The following PIP4K2A variants were observed in gnomAD, a reference collection of about 807,000 sequenced individuals.
The protein encoded by PIP4K2A is phosphatidylinositol 5-phosphate 4-kinase type-2 alpha.
A neutral mutation model predicts 42.9 loss-of-function variants in PIP4K2A; 14 were observed. The ratio of observed to expected loss-of-function variants is 0.33; its 90% confidence interval spans 0.22 to 0.51. The LOEUF (loss-of-function observed/expected upper bound fraction) is 0.51. PIP4K2A is among the 20% of genes least tolerant of loss of function. The pLI is 0.97. For synonymous variants in PIP4K2A, 192 were observed against 192.2 expected, an observed-to-expected ratio of 1.00 and a Z score of 0.01; for missense variants, 434 against 519.8, an observed-to-expected ratio of 0.83 and a Z score of 1.61.
chr10:22,662,968 C>T lies in PIP4K2A; in HGVS notation c.144+51215G>A, dbSNP rs151083627. ...TCTGCAACGTCTGGTGTGTGTCGCCCCAGGGTGAGGAGAAAGAGGAGGCAA... is the reference window on the plus strand; with the variant it reads ...TCTGCAACGTCTGGTGTGTGTCGCCTCAGGGTGAGGAGAAAGAGGAGGCAA... On this transcript the variant is annotated intron_variant, in intron 1 of 9. Coordinates refer to ENST00000376573, the MANE Select transcript of PIP4K2A (RefSeq NM_005028.5). Among the ~76,000 whole-genome samples the T allele has an allele frequency of 3.8e-3, 583 of 152,296 alleles. 3 individuals carry two copies. The highest frequency in any genetic ancestry group is 0.013 in the African/African-American group (547 of 41,550).
rs140194777 is a variant in PIP4K2A, at chr10:22,636,181, C to A, written c.145-26464G>T. ...AGAACCAGAAGGAACAGGAAACGTT[C>A]TCTCCTGGCCATACTCAGGGAAGTA... On this transcript the variant is annotated intron_variant, in intron 1 of 9. Transcript: ENST00000376573. Among the ~76,000 whole-genome samples, 399 of 152,298 alleles carry A rather than the reference C, an allele frequency of 2.6e-3. 4 individuals carry two copies. The highest frequency in any genetic ancestry group is 9.3e-3 in the African/African-American group (386 of 41,560).
At chr10:22,664,078 T>TATATATATATACATATATATATAC (rs1839270019) in intron 1 of PIP4K2A, among the ~76,000 whole-genome samples, 10 of 66,358 alleles carry the variant, frequency 1.5e-4, no homozygotes, top group East Asian at 6.5e-4. Context: ...TATATATACG[T>TATATATATATACATATATATATAC]ATATATATAT....
intron 6 of PIP4K2A, among the ~76,000 whole-genome samples, chr10:22,554,854 C>T (rs1042720224): frequency 6.6e-6 from 1 of 152,202 alleles, no homozygotes; most frequent in African/African-American, 2.4e-5. Flanking sequence ...CTGCCCGGGT[C>T]GGGGGCCCCA....
chr10:22,664,170 T>TATATATATATATATAC lies in PIP4K2A; in HGVS notation c.144+50012_144+50013insGTATATATATATATAT, dbSNP rs1839293357. ...ATATATACACATATATATATATACA[T>TATATATATATATATAC]ATATATATATACATATATATACATA... is the stretch of plus-strand genomic sequence containing the variant. On this transcript the variant is annotated intron_variant, in intron 1 of 9. Transcript: ENST00000376573. Among the ~76,000 whole-genome samples, 3 of 61,812 alleles carry TATATATATATATATAC rather than the reference T, an allele frequency of 4.9e-5. 1 individual carries two copies. Among genetic ancestry groups the TATATATATATATATAC allele is most frequent in the Non-Finnish European group, 8.0e-5 (3 of 37,276 alleles). The allele number at this position is 61,812 out of a possible 152,430, so 40.6% of individuals were successfully genotyped here.
At chr10:22,652,722 T>A (rs927695188) in intron 1 of PIP4K2A, among the ~76,000 whole-genome samples, 2 of 152,204 alleles carry the variant, frequency 1.3e-5, no homozygotes, top group Admixed American at 6.5e-5. Flanking sequence ...TTAAGAAATG[T>A]TATGTTCTTA....
chr10:22,685,168 C>T (rs145268891), intron 1 of PIP4K2A, among the ~76,000 whole-genome samples: 143 of 151,986 alleles, frequency 9.4e-4, no homozygotes, highest in African/African-American at 3.1e-3. Context: ...ATAAGAAGTA[C>T]AACTTATAAT....
intron 1 of PIP4K2A, among the ~76,000 whole-genome samples, chr10:22,649,321 A>G (rs550983388): frequency 6.6e-6 from 1 of 152,264 alleles, no homozygotes; most frequent in East Asian, 1.9e-4. Context: ...GCTCCCCAAA[A>G]GTTTCTTTAT....
At chr10:22,660,776 C>T (rs1277302588) in intron 1 of PIP4K2A, among the ~76,000 whole-genome samples, 1 of 151,942 alleles carries the variant, frequency 6.6e-6, no homozygotes, top group African/African-American at 2.4e-5. Context: ...AATCAATACA[C>T]CATACTTCTA....
chr10:22,637,182 A>G (rs1366101732), intron 1 of PIP4K2A, among the ~76,000 whole-genome samples: 2 of 152,214 alleles, frequency 1.3e-5, no homozygotes. Context: ...AACCCACAGA[A>G]GAGTGAAAAT....
At chr10:22,714,128 C>A (rs1564475862) in intron 1 of PIP4K2A, 55 bp downstream of exon 1, 13 of 1,522,610 alleles carry the variant, frequency 8.5e-6, no homozygotes, top group Non-Finnish European at 9.8e-6. Flanking sequence ...AGGAGGGGAA[C>A]GAGGAGGAAG....
chr10:22,553,689 T>C (rs1836464918), intron 6 of PIP4K2A, among the ~76,000 whole-genome samples: 4 of 151,912 alleles, frequency 2.6e-5, no homozygotes, highest in Admixed American at 2.6e-4. Context: ...ATTCAAATAG[T>C]GGTGCTTATA....
At chr10:22,606,582 G>A (rs1388758889) in intron 3 of PIP4K2A, among the ~76,000 whole-genome samples, 1 of 152,186 alleles carries the variant, frequency 6.6e-6, no homozygotes, top group African/African-American at 2.4e-5. Context: ...GAAATTTTTG[G>A]CAATGGTACA....
At chr10:22,559,607 C>A (rs1397085664) in intron 6 of PIP4K2A, among the ~76,000 whole-genome samples, 2 of 152,138 alleles carry the variant, frequency 1.3e-5, no homozygotes, top group African/African-American at 4.8e-5. Context: ...CAGAATACCC[C>A]TCATGGTTTA....
chr10:22,636,863 A>T (rs1838677120), intron 1 of PIP4K2A, among the ~76,000 whole-genome samples: 1 of 152,210 alleles, frequency 6.6e-6, no homozygotes, highest in African/African-American at 2.4e-5. Flanking sequence ...CATAAGCACA[A>T]GCCTGACAAG....
intron 1 of PIP4K2A, among the ~76,000 whole-genome samples, chr10:22,618,161 A>G (rs953676457): frequency 2.6e-5 from 4 of 152,176 alleles, no homozygotes; most frequent in Non-Finnish European, 5.9e-5. Context: ...CTAAAATGTG[A>G]TATGAGTTCA....
At chr10:22,686,498 A>G (rs1267285739) in intron 1 of PIP4K2A, among the ~76,000 whole-genome samples, 2 of 152,162 alleles carry the variant, frequency 1.3e-5, no homozygotes, top group Admixed American at 6.5e-5. Flanking sequence ...TAATTAAGAG[A>G]TGGGGTTTTA....
intron 1 of PIP4K2A, chr10:22,691,608 T>G (rs1318259315): frequency 6.6e-6 from 1 of 152,214 alleles, no homozygotes; most frequent in African/African-American, 2.4e-5. Flanking sequence ...TTCATTTCTG[T>G]ATGTATGCCC....
intron 4 of PIP4K2A, among the ~76,000 whole-genome samples, chr10:22,580,935 G>A (rs1028989599): frequency 6.6e-6 from 1 of 152,162 alleles, no homozygotes; most frequent in Admixed American, 6.5e-5. Context: ...TTGTAGAATG[G>A]ATGAGTCTGC....
chr10:22,642,146 ACT>A (rs1296950706), intron 1 of PIP4K2A: 1 of 152,270 alleles, frequency 6.6e-6, no homozygotes, highest in African/African-American at 2.4e-5. Context: ...TTCCAGCTGC[ACT>A]GTGGGCTCAG....
Sources: allele counts gnomAD v4.1 joint callset (sites outside exome capture counted in the v4.1 genomes callset), GRCh38; gene constraint gnomAD v4.1.1; transcripts MANE v1.5; gene names NCBI Gene and HGNC (gene_info 2026-07-23, HGNC 2026-07-21).